The following INO80C variants were observed in gnomAD, a reference collection of about 807,000 sequenced individuals.
The protein encoded by INO80C is IES6 homolog.
INO80C carries 17 observed loss-of-function variants against 17.7 expected under a neutral mutation model. The observed-to-expected ratio is 0.96, with a 90% confidence interval of 0.66 to 1.44. INO80C has a LOEUF of 1.44. Ranked by LOEUF, INO80C falls within the 40% of genes most tolerant of loss-of-function variation. INO80C has a pLI of 0.00. For missense variants in INO80C, 244 were observed against 245.0 expected, an observed-to-expected ratio of 1.00 and a Z score of 0.03; for synonymous variants, 96 against 95.8, an observed-to-expected ratio of 1.00 and a Z score of -0.01.
chr18:35,479,302 T>A lies in INO80C; in HGVS notation c.377A>T (p.Asn126Ile). The change falls in exon 3 of 5, where the codon AAC becomes ATC. Residue 126 changes from asparagine to isoleucine, a missense_variant and splice_region_variant. Coordinates refer to ENST00000334598, the MANE Select transcript of INO80C (RefSeq NM_194281.4). ...RALPWQLNDPNYFSIDAPPSF... is the reference protein window; with the variant it reads ...RALPWQLNDPIYFSIDAPPSF... Reference sequence around the variant, plus strand: ...ATGGAAGGCTCTAGACAGCTCACAGTTAGGATCGTTCAGTTGCCACGGCAA... The same window carrying A: ...ATGGAAGGCTCTAGACAGCTCACAGATAGGATCGTTCAGTTGCCACGGCAA... 3 of 1,600,284 alleles carry A rather than the reference T, an allele frequency of 1.9e-6. No homozygotes were observed. The highest frequency in any genetic ancestry group is 2.6e-6 in the Non-Finnish European group (3 of 1,167,442).
intron 1 of INO80C, among the ~76,000 whole-genome samples, chr18:35,492,153 A>C (rs1168361861): frequency 6.6e-6 from 1 of 152,242 alleles, no homozygotes; most frequent in African/African-American, 2.4e-5. Flanking sequence ...TGAAAAGTCA[A>C]ATGTCAAGTT....
chr18:35,481,215 T>C (rs1276360793), intron 1 of INO80C, among the ~76,000 whole-genome samples: 1 of 151,992 alleles, frequency 6.6e-6, no homozygotes, highest in Non-Finnish European at 1.5e-5. Context: ...AGCCAGAGAG[T>C]GCCCTGACAA....
At chr18:35,479,104 A>G (rs2045774035) in intron 3 of INO80C, 196 bp downstream of exon 3, 1 of 481,516 alleles carries the variant, frequency 2.1e-6, no homozygotes, top group African/African-American at 2.0e-5. Flanking sequence ...CCATGACAAC[A>G]CAAACAAATA....
intron 3 of INO80C, among the ~76,000 whole-genome samples, chr18:35,478,638 C>T (rs895859996): frequency 1.3e-5 from 2 of 152,138 alleles, no homozygotes; most frequent in African/African-American, 2.4e-5. Context: ...GCTATTTTCA[C>T]GATCTCACAC....
intron 2 of INO80C, 116 bp downstream of exon 2, chr18:35,480,337 T>C: frequency 1.4e-6 from 1 of 728,962 alleles, no homozygotes; most frequent in Non-Finnish European, 2.5e-6. Flanking sequence ...GAGAAGGAGG[T>C]AACTGAGACT....
chr18:35,471,579 A>G (rs2144024512), intron 4 of INO80C, among the ~76,000 whole-genome samples: 1 of 152,238 alleles, frequency 6.6e-6, no homozygotes, highest in Non-Finnish European at 1.5e-5. Context: ...TTCTGCATGA[A>G]GTTCTTTGTG....
chr18:35,478,750 C>T (rs977053900), intron 3 of INO80C, among the ~76,000 whole-genome samples: 13 of 152,224 alleles, frequency 8.5e-5, no homozygotes, highest in African/African-American at 3.1e-4. Context: ...GACTAGCTCA[C>T]TTGTCACCCA....
At chr18:35,480,100 CT>C (rs1254545793) in intron 2 of INO80C, among the ~76,000 whole-genome samples, 2 of 152,088 alleles carry the variant, frequency 1.3e-5, no homozygotes, top group African/African-American at 4.8e-5. Flanking sequence ...TTGGATTTAC[CT>C]TATGAAACTA....
At chr18:35,473,113 A>G (rs2045690246) in intron 4 of INO80C, among the ~76,000 whole-genome samples, 1 of 152,206 alleles carries the variant, frequency 6.6e-6, no homozygotes, top group Non-Finnish European at 1.5e-5. Flanking sequence ...AATAAGGATA[A>G]AGCTGACATT....
chr18:35,497,327 G>T, intron 1 of INO80C: 2 of 984,774 alleles, frequency 2.0e-6, no homozygotes, highest in South Asian at 4.7e-5. Flanking sequence ...ATCCATGCAG[G>T]ACATTACAGC....
chr18:35,484,414 G>C (rs2045848987), intron 1 of INO80C, among the ~76,000 whole-genome samples: 1 of 152,132 alleles, frequency 6.6e-6, no homozygotes, highest in African/African-American at 2.4e-5. Context: ...ATGAACAATA[G>C]GCAAAGCAAC....
At chr18:35,469,439 C>A (rs1298249726) in intron 4 of INO80C, among the ~76,000 whole-genome samples, 1 of 152,180 alleles carries the variant, frequency 6.6e-6, no homozygotes, top group Non-Finnish European at 1.5e-5. Flanking sequence ...AGCCACATGT[C>A]CCCACTCTCT....
chr18:35,490,944 G>A (rs1333598626), intron 1 of INO80C, among the ~76,000 whole-genome samples: 1 of 152,172 alleles, frequency 6.6e-6, no homozygotes, highest in African/African-American at 2.4e-5. Context: ...TATTTTTGTA[G>A]AGACAAGGTT....
Position 35,468,498 on chromosome 18 carries a change from C to T in INO80C, c.*113G>A. On this transcript the variant is annotated 3_prime_UTR_variant, in exon 5 of 5. Coordinates refer to ENST00000334598, the MANE Select transcript of INO80C (RefSeq NM_194281.4). Reference sequence around the variant, plus strand: ...AAAGCCAAACATTCTTTCCAAGGCACAGCACTGGCATTTTCAGATTGACAG... The same window carrying T: ...AAAGCCAAACATTCTTTCCAAGGCATAGCACTGGCATTTTCAGATTGACAG... 1.3e-6 allele frequency: 2 copies of T among 1,546,332 alleles called. No individual in the cohort carries two copies. Among genetic ancestry groups the T allele is most frequent in the East Asian group, 4.5e-5 (2 of 43,980 alleles).
At chr18:35,497,634 A>T in intron 1 of INO80C, 85 bp downstream of exon 1, 1 of 1,511,030 alleles carries the variant, frequency 6.6e-7, no homozygotes, top group Non-Finnish European at 8.8e-7. Flanking sequence ...AGCGCCCCAC[A>T]TTACGCACGC....
intron 1 of INO80C, among the ~76,000 whole-genome samples, chr18:35,497,113 T>A (rs2045990585): frequency 6.6e-6 from 1 of 152,156 alleles, no homozygotes; most frequent in South Asian, 2.1e-4. Context: ...GAAAATTCAT[T>A]GCTGGAATTA....
At chr18:35,492,650 G>A (rs2045943723) in intron 1 of INO80C, among the ~76,000 whole-genome samples, 1 of 152,092 alleles carries the variant, frequency 6.6e-6, no homozygotes, top group Non-Finnish European at 1.5e-5. Flanking sequence ...TGAATAGTAG[G>A]ATGACTATTT....
rs750167345 is a variant in INO80C, at chr18:35,468,643, C to A, written c.547G>T (p.Ala183Ser). ...LPSDVVTGYL[A>S]LRKATSIVP ...ACGATGCTCGTGGCCTTCCTCAGGG[C>A]CAGGTAGCCGGTGACGACGTCAGAG... is the stretch of plus-strand genomic sequence containing the variant. The change falls in exon 5 of 5, where the codon GCC becomes TCC. Residue 183 changes from alanine (A) to serine (S), a missense_variant. Transcript: ENST00000334598. 4 of 1,614,046 alleles carry A rather than the reference C, an allele frequency of 2.5e-6. No individual in the cohort carries two copies. The highest frequency in any genetic ancestry group is 3.4e-6 in the Non-Finnish European group (4 of 1,179,982).
At chr18:35,497,211 GC>G (rs2045992021) in intron 1 of INO80C, 3 of 339,014 alleles carry the variant, frequency 8.8e-6, no homozygotes, top group Non-Finnish European at 1.3e-5. Flanking sequence ...ACCTTAACAA[GC>G]CCATGAGTTA....
Sources: gnomAD v4.1 joint callset for allele counts (sites outside exome capture counted in the v4.1 genomes callset) on GRCh38, gnomAD v4.1.1 for gene constraint, MANE v1.5 for transcripts, NCBI Gene and HGNC (gene_info 2026-07-23, HGNC 2026-07-21) for gene names.